The following SPECC1L variants were observed in gnomAD, a reference collection of about 807,000 sequenced individuals.
SPECC1L encodes the protein cytospin-A.
A neutral mutation model predicts 116.8 loss-of-function variants in SPECC1L; 40 were observed. The observed-to-expected ratio is 0.34, with a 90% confidence interval of 0.27 to 0.45. The LOEUF (loss-of-function observed/expected upper bound fraction) is 0.45. SPECC1L is among the 20% of genes least tolerant of loss of function. The probability of loss-of-function intolerance (pLI) is 1.00; values close to 1 mark genes in which losing one functional copy is unlikely to be tolerated. For missense variants in SPECC1L, 1,110 were observed against 1,373.6 expected (o/e 0.81, Z 3.03); for synonymous variants, 504 against 500.6 (o/e 1.01, Z -0.09).
chr22:24,331,122 A>T (rs1307401641), intron 8 of SPECC1L, among the ~76,000 whole-genome samples: 1 of 152,180 alleles, frequency 6.6e-6, no homozygotes, highest in Non-Finnish European at 1.5e-5. Flanking sequence ...AAATTATTAG[A>T]TGAAATGACA....
intron 2 of SPECC1L, among the ~76,000 whole-genome samples, chr22:24,279,521 C>T (rs2048901520): frequency 6.6e-6 from 1 of 151,856 alleles, no homozygotes; most frequent in Non-Finnish European, 1.5e-5. Context: ...AGCCACTGCA[C>T]CTGGCCTTAA....
At chr22:24,372,433 T>C (rs574575152) in intron 14 of SPECC1L, among the ~76,000 whole-genome samples, 3 of 152,258 alleles carry the variant, frequency 2.0e-5, no homozygotes, top group South Asian at 4.2e-4. Context: ...ACCATGATCA[T>C]GTGGGCTTCA....
At chr22:24,276,842 C>T (rs1304060780) in intron 2 of SPECC1L, 39 bp downstream of exon 2, 2 of 445,898 alleles carry the variant, frequency 4.5e-6, no homozygotes, top group East Asian at 1.4e-4. Flanking sequence ...CTTTTCTCTC[C>T]TTAATATATT....
chr22:24,407,996 C>T (rs772822740), intron 14 of SPECC1L, among the ~76,000 whole-genome samples: 1 of 152,168 alleles, frequency 6.6e-6, no homozygotes, highest in African/African-American at 2.4e-5. Context: ...TCCCAGAGAC[C>T]AGCTGTGTGG....
At chr22:24,383,634 T>G (rs1456574340) in intron 14 of SPECC1L, among the ~76,000 whole-genome samples, 2 of 151,938 alleles carry the variant, frequency 1.3e-5, no homozygotes, top group African/African-American at 4.8e-5. Context: ...ATCAAAATTT[T>G]ATTTTATTTT....
rs566867596 is a variant in SPECC1L at position 24,393,932 on chromosome 22, T to G, written c.3088-17656T>G. The stretch of plus-strand genomic sequence containing the variant: ...TTATAGTTTTATATAAATAGAATCA[T>G]AGTGTGTACAATTTTAGGGGAGTTC... On this transcript the variant is annotated intron_variant, in intron 14 of 16. Coordinates refer to ENST00000314328, the MANE Select transcript of SPECC1L (RefSeq NM_015330.6). Among the ~76,000 whole-genome samples, 9 of 152,336 alleles carry G rather than the reference T, an allele frequency of 5.9e-5. No individual in the cohort carries two copies. In the East Asian group the frequency reaches 1.5e-3, roughly 26 times the overall value.
chr22:24,352,361 C>T (rs2041442974), intron 11 of SPECC1L, among the ~76,000 whole-genome samples: 3 of 152,150 alleles, frequency 2.0e-5, no homozygotes, highest in Non-Finnish European at 4.4e-5. Flanking sequence ...CCTGGGATTG[C>T]CCAGTGTCAG....
At chr22:24,395,783 C>G (rs967983855) in intron 14 of SPECC1L, among the ~76,000 whole-genome samples, 4 of 152,170 alleles carry the variant, frequency 2.6e-5, no homozygotes, top group African/African-American at 4.8e-5. Flanking sequence ...GATCAACAGG[C>G]ATGCACCACC....
intron 14 of SPECC1L, among the ~76,000 whole-genome samples, chr22:24,375,178 G>A (rs139525341): frequency 2.0e-5 from 3 of 152,278 alleles, no homozygotes; most frequent in South Asian, 2.1e-4. Flanking sequence ...GATTGAGTTA[G>A]TAATCAAAAT....
At chr22:24,337,562 G>A (rs1458638233) in intron 9 of SPECC1L, among the ~76,000 whole-genome samples, 1 of 152,034 alleles carries the variant, frequency 6.6e-6, no homozygotes. Context: ...ATTTTTAAAC[G>A]GTTAACTTTA....
chr22:24,332,122 G>T (rs1412916182), intron 8 of SPECC1L, among the ~76,000 whole-genome samples: 1 of 152,086 alleles, frequency 6.6e-6, no homozygotes, highest in Admixed American at 6.5e-5. Context: ...GGTATTATTT[G>T]GTGGGTATTT....
intron 11 of SPECC1L, among the ~76,000 whole-genome samples, chr22:24,348,674 C>T (rs755233934): frequency 1.3e-5 from 2 of 152,220 alleles, no homozygotes; most frequent in Non-Finnish European, 2.9e-5. Context: ...CTTTACATCC[C>T]GCCTCCCAGA....
At chr22:24,398,803 A>T (rs1333260817) in intron 14 of SPECC1L, among the ~76,000 whole-genome samples, 1 of 152,188 alleles carries the variant, frequency 6.6e-6, no homozygotes. Context: ...AGGCCAGGAA[A>T]GCTTTTGGGG....
intron 6 of SPECC1L, among the ~76,000 whole-genome samples, chr22:24,326,344 C>A (rs201589731): frequency 6.6e-6 from 1 of 152,204 alleles, no homozygotes; most frequent in Non-Finnish European, 1.5e-5. Flanking sequence ...CCTTACTCCT[C>A]GTCTTATGTC....
At chr22:24,391,746 G>A (rs746135400) in intron 14 of SPECC1L, among the ~76,000 whole-genome samples, 35 of 152,130 alleles carry the variant, frequency 2.3e-4, no homozygotes, top group Non-Finnish European at 3.5e-4. Flanking sequence ...GGCTACTGGC[G>A]GTGGGCAGAC....
chr22:24,352,611 T>C (rs1483219936), intron 11 of SPECC1L, among the ~76,000 whole-genome samples: 3 of 152,226 alleles, frequency 2.0e-5, no homozygotes, highest in Non-Finnish European at 2.9e-5. Flanking sequence ...CCAAACCTTC[T>C]GTTTAAAAAC....
intron 2 of SPECC1L, among the ~76,000 whole-genome samples, chr22:24,287,534 C>T (rs1190859689): frequency 6.6e-6 from 1 of 152,162 alleles, no homozygotes; most frequent in Non-Finnish European, 1.5e-5. Context: ...CTTCCAGTCG[C>T]CAAGAGGCGT....
At chr22:24,373,870 T>C (rs2146665967) in intron 14 of SPECC1L, among the ~76,000 whole-genome samples, 1 of 152,166 alleles carries the variant, frequency 6.6e-6, no homozygotes, top group Non-Finnish European at 1.5e-5. Context: ...TTTCGCAATC[T>C]ACTCATGTGA....
At chr22:24,386,770 A>AT (rs1459729210) in intron 14 of SPECC1L, among the ~76,000 whole-genome samples, 2 of 151,588 alleles carry the variant, frequency 1.3e-5, no homozygotes, top group East Asian at 1.9e-4. Context: ...CACCCGGCTA[A>AT]TTTTTTTTGT....
Sources: gnomAD v4.1 joint callset for allele counts (sites outside exome capture counted in the v4.1 genomes callset) on GRCh38, gnomAD v4.1.1 for gene constraint, MANE v1.5 for transcripts, NCBI Gene and HGNC (gene_info 2026-07-23, HGNC 2026-07-21) for gene names.